Variants in AHI1 observed in about 807,000 individuals in gnomAD.
The protein encoded by AHI1 is Abelson helper integration site 1.
AHI1 carries 123 observed loss-of-function variants against 149.3 expected under a neutral mutation model. The observed-to-expected ratio is 0.82, with a 90% CI of 0.71 to 0.96. The LOEUF (loss-of-function observed/expected upper bound fraction) is 0.96, where lower values mean the gene tolerates loss of function less well. Among genes scored for constraint, AHI1 ranks in the 40% least tolerant of loss-of-function variants. AHI1 has a pLI of 0.00. For synonymous variants in AHI1, 475 were observed against 459.8 expected (o/e 1.03, Z -0.42); for missense variants, 1,439 against 1,422.7 (o/e 1.01, Z -0.18).
chr6:135,418,661 G>T (rs13213251), intron 20 of AHI1, among the ~76,000 whole-genome samples: 1 of 151,914 alleles, frequency 6.6e-6, no homozygotes, highest in African/African-American at 2.4e-5. Context: ...ATAATGAAGT[G>T]AACCTGGAAT....
rs772013900 is a variant in AHI1, at chr6:135,463,251, C to T, written c.805G>A (p.Val269Ile). 11 of 1,610,602 alleles carry T rather than the reference C, an allele frequency of 6.8e-6. No homozygotes were observed. The highest frequency in any genetic ancestry group is 5.4e-5 in the African/African-American group (4 of 74,428). The change falls in exon 8 of 29, where the codon GTT (valine) becomes ATT (isoleucine). Residue 269 changes from valine to isoleucine, a missense_variant. Val to Ile is a conservative substitution (Grantham distance 29). Coordinates refer to ENST00000265602, the MANE Select transcript of AHI1 (RefSeq NM_001134831.2). ...VEGEQKKESS[V>I]RSVSSDSHQD... ...TGAGAATCTGAAGAAACTGATCTAA[C>T]TGAAGATTCTTTCTTTTGTTCACCT...
intron 24 of AHI1, among the ~76,000 whole-genome samples, chr6:135,327,188 C>G (rs1787834973): frequency 1.3e-5 from 2 of 152,200 alleles, no homozygotes; most frequent in South Asian, 4.1e-4. Context: ...CCCTAGCAGG[C>G]TAGTACACTT....
intron 26 of AHI1, among the ~76,000 whole-genome samples, chr6:135,304,097 C>T (rs989241542): frequency 1.3e-5 from 2 of 152,184 alleles, no homozygotes; most frequent in Non-Finnish European, 2.9e-5. Flanking sequence ...AGTGCAGTGG[C>T]GTGATCATAG....
Position 135,300,544 on chromosome 6 carries a change from CTTAT to C in AHI1, c.3437_3440del (p.Asn1146ArgfsTer9), listed in dbSNP as rs1783737072. 6.2e-7 allele frequency: 1 copy of C among 1,607,404 alleles called. No homozygotes were observed. The highest frequency in any genetic ancestry group is 1.7e-5 in the Admixed American group (1 of 59,308). ...CTAGTCTGAAGTCCTGGGACTTGTTCTTATTGATTGATTGCTGTGGAAGAAGAGG... is the reference window on the plus strand; with the variant it reads ...CTAGTCTGAAGTCCTGGGACTTGTTCTGATTGATTGCTGTGGAAGAAGAGG... On this transcript the variant is annotated frameshift_variant, in exon 27 of 29. Coordinates refer to ENST00000265602, the MANE Select transcript of AHI1 (RefSeq NM_001134831.2). LOFTEE classifies it high-confidence loss of function.
At chr6:135,322,184 T>C (rs950974906) in intron 25 of AHI1, among the ~76,000 whole-genome samples, 2 of 152,224 alleles carry the variant, frequency 1.3e-5, no homozygotes, top group African/African-American at 2.4e-5. Flanking sequence ...TTTAATTCCT[T>C]CATTTTACAG....
chr6:135,368,739 CCCACTCTA>C (rs139566847), intron 23 of AHI1, among the ~76,000 whole-genome samples: 5,161 of 152,276 alleles, frequency 0.034, 264 homozygotes, highest in African/African-American at 0.11. Flanking sequence ...CACTCTCGTT[CCCACTCTA>C]CCCCTCAGTA....
intron 8 of AHI1, among the ~76,000 whole-genome samples, chr6:135,458,042 C>A (rs1789257045): frequency 6.6e-6 from 1 of 152,056 alleles, no homozygotes; most frequent in African/African-American, 2.4e-5. Context: ...ACTAGAATTT[C>A]TAATTCTGGG....
rs866150448 is a variant in AHI1 at position 135,376,247 on chromosome 6, T to C, written c.3110-18060A>G. ...ATCAATGGACACTGAAATCACTAAG[T>C]AGGGTTACTAAGCCCACTAAGTAAG... is the stretch of plus-strand genomic sequence containing the variant. On this transcript the variant is annotated intron_variant, in intron 23 of 28. Coordinates refer to ENST00000265602, the MANE Select transcript of AHI1 (RefSeq NM_001134831.2). Among the ~76,000 whole-genome samples, 8 of 152,074 alleles carry C rather than the reference T, an allele frequency of 5.3e-5. No homozygotes were observed. The South Asian group carries it at 1.7e-3, about 32-fold the overall frequency.
At chr6:135,423,823 ACT>A (rs1469941478) in intron 20 of AHI1, among the ~76,000 whole-genome samples, 5 of 152,120 alleles carry the variant, frequency 3.3e-5, no homozygotes, top group African/African-American at 1.2e-4. Flanking sequence ...CTCAGTATTA[ACT>A]CTGGTTCAGA....
chr6:135,341,641 A>G (rs2128412793), intron 24 of AHI1, among the ~76,000 whole-genome samples: 1 of 152,086 alleles, frequency 6.6e-6, no homozygotes, highest in South Asian at 2.1e-4. Flanking sequence ...ATGTTCTCCA[A>G]CCATGATAAA....
intron 24 of AHI1, among the ~76,000 whole-genome samples, chr6:135,336,378 G>A (rs534535670): frequency 6.6e-6 from 1 of 151,904 alleles, no homozygotes; most frequent in African/African-American, 2.4e-5. Context: ...TGGGCGGATC[G>A]CTTGAGTCCA....
intron 24 of AHI1, among the ~76,000 whole-genome samples, chr6:135,330,757 A>G (rs1045876715): frequency 2.0e-5 from 3 of 152,252 alleles, no homozygotes; most frequent in Non-Finnish European, 4.4e-5. Context: ...GGACAAAAAC[A>G]GCGTGGCTCA....
intron 14 of AHI1, among the ~76,000 whole-genome samples, chr6:135,439,734 G>T (rs1241021526): frequency 6.6e-6 from 1 of 152,154 alleles, no homozygotes; most frequent in Non-Finnish European, 1.5e-5. Context: ...AGATGGAAAA[G>T]ATATAAATCT....
Position 135,455,905 on chromosome 6 carries a change from G to A in AHI1, c.1173C>T (p.Tyr391=), listed in dbSNP as rs374015573. ...TATAATCCACATTCTCTTTTTCATA[G>A]TAAGATGAAACAGGCCGTCCACTGT... ...KDDSGRPVSS[Y]YEKENVDYIL... The change falls in exon 10 of 29, where the codon TAC becomes TAT. Residue 391 remains tyrosine (Y), a synonymous_variant. Transcript: ENST00000265602. The A allele has an allele frequency of 1.6e-5, 24 of 1,509,030 alleles. No individual in the cohort carries two copies. The African/African-American group carries it at 3.0e-4, about 19-fold the overall frequency. 93.5% of individuals were successfully genotyped at this position (1,509,030 alleles called of 1,614,324 possible). A position where few individuals can be genotyped will look rare whatever the true frequency, so the allele number is the denominator to read the frequency against.
At chr6:135,308,317 C>T (rs929397740) in intron 26 of AHI1, among the ~76,000 whole-genome samples, 1 of 152,158 alleles carries the variant, frequency 6.6e-6, no homozygotes, top group Non-Finnish European at 1.5e-5. Context: ...TTCACTGCAG[C>T]CTCATCCTCT....
At chr6:135,326,665 A>G (rs1408879441) in intron 24 of AHI1, among the ~76,000 whole-genome samples, 2 of 151,708 alleles carry the variant, frequency 1.3e-5, no homozygotes, top group Non-Finnish European at 2.9e-5. Flanking sequence ...GGTTCAAGCT[A>G]TTCTCCTGCC....
In AHI1 at chr6:135,368,230, C is replaced by T. The variant is rs191083181; in HGVS notation, c.3110-10043G>A. ...TCTCAGCCATGGATACCAGCCCCTG[C>T]GCTGGTGGAGGTAGCAGGGGAGTGA... On this transcript the variant is annotated intron_variant, in intron 23 of 28. Coordinates refer to ENST00000265602, the MANE Select transcript of AHI1 (RefSeq NM_001134831.2). Among the ~76,000 whole-genome samples, 257 of 152,136 alleles carry T rather than the reference C, an allele frequency of 1.7e-3. 1 individual carries two copies. Among genetic ancestry groups the T allele is most frequent in the African/African-American group, 5.9e-3 (244 of 41,434 alleles).
chr6:135,371,473 C>T (rs892565185), intron 23 of AHI1, among the ~76,000 whole-genome samples: 4 of 152,120 alleles, frequency 2.6e-5, no homozygotes, highest in African/African-American at 7.2e-5. Flanking sequence ...CACTAGAGTA[C>T]GGCTGAGTGC....
At chr6:135,479,150 T>A (rs983706454) in intron 5 of AHI1, among the ~76,000 whole-genome samples, 27 of 152,270 alleles carry the variant, frequency 1.8e-4, no homozygotes, top group African/African-American at 6.3e-4. Context: ...AGAAGAGAAA[T>A]GAGGGGTTAC....
Sources: allele counts gnomAD v4.1 joint callset (sites outside exome capture counted in the v4.1 genomes callset), GRCh38; gene constraint gnomAD v4.1.1; transcripts MANE v1.5; gene names NCBI Gene and HGNC (gene_info 2026-07-23, HGNC 2026-07-21).